ABCA12: variants seen among roughly 807,000 people sequenced by gnomAD.
The protein encoded by ABCA12 is glucosylceramide transporter ABCA12.
A neutral mutation model predicts 293.5 loss-of-function variants in ABCA12; 156 were observed. The observed-to-expected ratio is 0.53, with a 90% CI of 0.47 to 0.61. The LOEUF is 0.61. ABCA12 is among the 20% of genes least tolerant of loss of function. The probability of loss-of-function intolerance (pLI) is 0.00; values close to 1 mark genes in which losing one functional copy is unlikely to be tolerated. For synonymous variants in ABCA12, 1,063 were observed against 1,108.0 expected (o/e 0.96, Z 0.81); for missense variants, 2,797 against 3,090.2 (o/e 0.91, Z 2.25).
chr2:215,028,026 C>G (rs534215316), intron 9 of ABCA12, among the ~76,000 whole-genome samples: 1 of 152,280 alleles, frequency 6.6e-6, no homozygotes, highest in African/African-American at 2.4e-5. Flanking sequence ...GGCTACATCT[C>G]TATTTATTTT....
intron 45 of ABCA12, among the ~76,000 whole-genome samples, chr2:214,950,510 A>ATTTT (rs10668551): frequency 2.1e-5 from 3 of 140,544 alleles, no homozygotes; most frequent in Non-Finnish European, 3.0e-5. Flanking sequence ...AATAATTAAG[A>ATTTT]TTTTTTTTTT....
At chr2:215,134,613 A>C (rs1281026320) in intron 1 of ABCA12, among the ~76,000 whole-genome samples, 13 of 98,688 alleles carry the variant, frequency 1.3e-4, no homozygotes, top group Non-Finnish European at 2.3e-4. Flanking sequence ...ATATATATAT[A>C]TATAGAGAGA....
intron 46 of ABCA12, 25 bp from the exon 47 acceptor site, chr2:214,948,762 A>T: frequency 6.2e-7 from 1 of 1,613,914 alleles, no homozygotes; most frequent in Non-Finnish European, 8.5e-7. Flanking sequence ...TCAAAAACAC[A>T]GATGAATTTC....
chr2:215,003,844 T>A (rs942478892), intron 20 of ABCA12, among the ~76,000 whole-genome samples: 85 of 152,180 alleles, frequency 5.6e-4, no homozygotes, highest in African/African-American at 1.9e-3. Flanking sequence ...GTTTTTGTAT[T>A]TTTAGTAGAG....
intron 14 of ABCA12, among the ~76,000 whole-genome samples, chr2:215,016,582 CA>C (rs71041981): frequency 1.7e-4 from 5 of 29,924 alleles, no homozygotes; most frequent in Non-Finnish European, 3.6e-4. Context: ...GACTCTGTCT[CA>C]AAAAAAAAAA....
At chr2:215,060,306 C>A (rs1037178780) in intron 3 of ABCA12, among the ~76,000 whole-genome samples, 5 of 152,032 alleles carry the variant, frequency 3.3e-5, no homozygotes, top group Non-Finnish European at 5.9e-5. Context: ...ACTTGCATAG[C>A]CTCCAGCATG....
intron 19 of ABCA12, among the ~76,000 whole-genome samples, chr2:215,006,052 C>T (rs1330323389): frequency 1.3e-5 from 2 of 152,002 alleles, no homozygotes; most frequent in South Asian, 2.1e-4. Flanking sequence ...CCTCAATAAT[C>T]GAAAATAATT....
In ABCA12 at chr2:215,038,567, C is replaced by T. The variant is rs150620694; in HGVS notation, c.873-1502G>A. On this transcript the variant is annotated intron_variant, in intron 7 of 52. Coordinates refer to ENST00000272895, the MANE Select transcript of ABCA12 (RefSeq NM_173076.3). ...TCTCATCTCTGCTCTGTATACATGA[C>T]TGGTGACACCTCAGGCATTTTTATG... Among the ~76,000 whole-genome samples, 77 of 152,324 alleles carry T rather than the reference C, an allele frequency of 5.1e-4. No individual in the cohort carries two copies. The East Asian group carries it at 0.013, about 25-fold the overall frequency.
chr2:215,064,233 A>G lies in ABCA12; in HGVS notation c.164-14T>C. 6.2e-7 allele frequency: 1 copy of G among 1,611,998 alleles called. No homozygotes were observed. The highest frequency in any genetic ancestry group is 8.5e-7 in the Non-Finnish European group (1 of 1,178,654). ...GTGCGAGGTAACCTAAAATTAAAAA[A>G]ACAGTCATTACATCAGTATGGCACA... On this transcript the variant is annotated splice_polypyrimidine_tract_variant and intron_variant, in intron 2 of 52. Coordinates refer to ENST00000272895, the MANE Select transcript of ABCA12 (RefSeq NM_173076.3).
intron 18 of ABCA12, among the ~76,000 whole-genome samples, chr2:215,009,371 T>C (rs1169011340): frequency 6.6e-6 from 1 of 152,090 alleles, no homozygotes; most frequent in Non-Finnish European, 1.5e-5. Flanking sequence ...GCTTAATACC[T>C]GGGTGATAAA....
At chr2:215,026,280 T>C (rs920961199) in intron 10 of ABCA12, among the ~76,000 whole-genome samples, 11 of 152,222 alleles carry the variant, frequency 7.2e-5, no homozygotes, top group African/African-American at 2.4e-4. Context: ...AAAGTAGGTC[T>C]TTTCTCTCAA....
chr2:214,980,897 G>A (rs1032640416), intron 30 of ABCA12, among the ~76,000 whole-genome samples: 3 of 151,988 alleles, frequency 2.0e-5, no homozygotes, highest in Admixed American at 6.6e-5. Flanking sequence ...TCAGGAGTTC[G>A]AAACCAGCCT....
chr2:215,075,695 G>A (rs898728504), intron 2 of ABCA12: 9 of 610,786 alleles, frequency 1.5e-5, no homozygotes, highest in Admixed American at 3.1e-5. Flanking sequence ...ATATAATTTT[G>A]ATAACCCATT....
Position 215,083,214 on chromosome 2 carries a change from G to C in ABCA12, c.164-18995C>G, listed in dbSNP as rs575339281. ...GAGATGTGTAAGATACTGGATACCT[G>C]ACATATCTATAGAAATTACTGCCTG... is the stretch of plus-strand genomic sequence containing the variant. On this transcript the variant is annotated intron_variant, in intron 2 of 52. Transcript: ENST00000272895. Among the ~76,000 whole-genome samples, 33 of 152,330 alleles carry C rather than the reference G, an allele frequency of 2.2e-4. 1 individual carries two copies. The South Asian group carries it at 6.8e-3, about 32-fold the overall frequency.
chr2:214,983,739 G>A lies in ABCA12; in HGVS notation c.4290C>T (p.Phe1430=). ...GGTGCTCCTTAGTAGTGAGGTAACT[G>A]AACAAGACGTCGTGCTGCATACAGA... is the stretch of plus-strand genomic sequence containing the variant. ...MGVCMQHDVL[F]SYLTTKEHLL... is the part of the protein sequence containing the mutation. The change falls in exon 29 of 53, where the codon TTC becomes TTT. Residue 1430 remains phenylalanine (F), a synonymous_variant. Transcript: ENST00000272895. 6.2e-7 allele frequency: 1 copy of A among 1,614,066 alleles called. No individual in the cohort carries two copies. The highest frequency in any genetic ancestry group is 2.2e-5 in the East Asian group (1 of 44,862).
At chr2:214,935,729 C>G (rs1251920220) in intron 51 of ABCA12, among the ~76,000 whole-genome samples, 2 of 152,018 alleles carry the variant, frequency 1.3e-5, no homozygotes, top group African/African-American at 4.8e-5. Flanking sequence ...CCCAGGAGTT[C>G]AAGGCTGCAC....
In ABCA12 at chr2:215,054,603, G is replaced by T. The variant is rs769767110; in HGVS notation, c.379C>A (p.Gln127Lys). 1 of 1,612,098 alleles carries T rather than the reference G, an allele frequency of 6.2e-7. No homozygotes were observed. The highest frequency in any genetic ancestry group is 8.5e-7 in the Non-Finnish European group (1 of 1,178,570). Reference protein sequence around the residue: ...KDSSLSFQSTQVPERRHASLA... With the variant: ...KDSSLSFQSTKVPERRHASLA... ...GATGCATGCCTTCTTTCTGGAACTT[G>T]GGTGCTCTGGAATGATAAACTGCTG... The change falls in exon 4 of 53, where the codon CAA (glutamine) becomes AAA (lysine). Residue 127 changes from glutamine to lysine, a missense_variant. Coordinates refer to ENST00000272895, the MANE Select transcript of ABCA12 (RefSeq NM_173076.3).
intron 7 of ABCA12, among the ~76,000 whole-genome samples, chr2:215,042,929 G>T (rs6741875): frequency 0.085 from 12,903 of 152,038 alleles, 1,536 homozygotes; most frequent in African/African-American, 0.27. Flanking sequence ...ACATAAAAAT[G>T]AGATTATGTA....
At chr2:215,064,016 C>G (rs779969400) in intron 3 of ABCA12, 50 bp downstream of exon 3, 1 of 1,611,166 alleles carries the variant, frequency 6.2e-7, no homozygotes, top group Non-Finnish European at 8.5e-7. Flanking sequence ...CAGAAGGAAA[C>G]AAGATTTGAT....
Sources: gnomAD v4.1 joint callset for allele counts (sites outside exome capture counted in the v4.1 genomes callset) on GRCh38, gnomAD v4.1.1 for gene constraint, MANE v1.5 for transcripts, NCBI Gene and HGNC (gene_info 2026-07-23, HGNC 2026-07-21) for gene names.